The following GET4 variants were observed in gnomAD, a reference collection of about 807,000 sequenced individuals.
GET4 encodes the protein Golgi to ER traffic protein 4 homolog.
Under a neutral mutation model 40.0 loss-of-function variants are expected in GET4, and 20 were observed. That is an observed-to-expected ratio of 0.50 (90% confidence interval 0.35 to 0.73). The LOEUF (loss-of-function observed/expected upper bound fraction) is 0.73. Among genes scored for constraint, GET4 ranks in the 30% least tolerant of loss-of-function variants. GET4 has a pLI of 0.01. For missense variants in GET4, 557 were observed against 454.0 expected (o/e 1.23, Z -2.06); for synonymous variants, 280 against 194.6 (o/e 1.44, Z -3.65).
intron 5 of GET4, among the ~76,000 whole-genome samples, chr7:891,706 G>C (rs1412920856): frequency 6.6e-6 from 1 of 152,278 alleles, no homozygotes; most frequent in Non-Finnish European, 1.5e-5. Context: ...AGGATTTGGG[G>C]ACAGACATCC....
chr7:891,345 C>T (rs1470053303), intron 5 of GET4, among the ~76,000 whole-genome samples: 1 of 152,226 alleles, frequency 6.6e-6, no homozygotes, highest in South Asian at 2.1e-4. Context: ...CCTGTGGTCT[C>T]TGCTGTACTC....
At chr7:892,036 G>A (rs1392868787) in intron 5 of GET4, among the ~76,000 whole-genome samples, 2 of 152,240 alleles carry the variant, frequency 1.3e-5, no homozygotes, top group Admixed American at 6.5e-5. Flanking sequence ...TCAGGCTGGG[G>A]CCCGGCTCCA....
chr7:895,159 C>T (rs1844449077), intron 8 of GET4, among the ~76,000 whole-genome samples, 175 bp from the exon 9 acceptor site: 2 of 150,482 alleles, frequency 1.3e-5, no homozygotes, highest in South Asian at 2.1e-4. Context: ...CGTCGGCTCC[C>T]TGGCCTCCAG....
intron 4 of GET4, among the ~76,000 whole-genome samples, chr7:889,080 G>C (rs898409985): frequency 6.6e-6 from 1 of 152,258 alleles, no homozygotes; most frequent in Non-Finnish European, 1.5e-5. Flanking sequence ...ATCATAAGGA[G>C]GGATGTACGT....
chr7:890,393 GGAGTGT>G lies in GET4; in HGVS notation c.467-531_467-526del, dbSNP rs201787929. ...GTCAGGACGGGGTCTGGGAGTGGAG[GGAGTGT>G]GAGCGGGTGTTAGGACGGGCCTGGG... On this transcript the variant is annotated intron_variant, in intron 4 of 8. Transcript: ENST00000265857. 1.2e-4 allele frequency among the ~76,000 whole-genome samples: 10 copies of G among 81,978 alleles called. 2 individuals are homozygous for G. Among genetic ancestry groups the G allele is most frequent in the African/African-American group, 3.7e-4 (8 of 21,346 alleles). 53.8% of individuals were successfully genotyped at this position (81,978 alleles called of 152,430 possible).
Position 896,188 on chromosome 7 carries a change from A to G in GET4, c.*766A>G, listed in dbSNP as rs998358759. On this transcript the variant is annotated 3_prime_UTR_variant, in exon 9 of 9. Coordinates refer to ENST00000265857, the MANE Select transcript of GET4 (RefSeq NM_015949.3). ...GGTGATGATTGATTCTTTCGACCTA[A>G]CATTTTGGGTTTTAACCAAATAACC... 6.6e-6 allele frequency: 1 copy of G among 152,182 alleles called. No individual in the cohort carries two copies. Among genetic ancestry groups the G allele is most frequent in the Non-Finnish European group, 1.5e-5 (1 of 68,034 alleles). The allele number at this position is 152,182 out of a possible 1,614,324, so 9.4% of individuals were successfully genotyped here. A position where few individuals can be genotyped will look rare whatever the true frequency, so the allele number is the denominator to read the frequency against.
intron 6 of GET4, among the ~76,000 whole-genome samples, chr7:892,882 G>A (rs116926858): frequency 6.6e-6 from 1 of 151,628 alleles, no homozygotes; most frequent in African/African-American, 2.4e-5. Flanking sequence ...TGTGTGTTGT[G>A]TGTAGACGTG....
chr7:891,261 G>C (rs1203757752), intron 5 of GET4, among the ~76,000 whole-genome samples, 195 bp downstream of exon 5: 1 of 152,222 alleles, frequency 6.6e-6, no homozygotes, highest in African/African-American at 2.4e-5. Flanking sequence ...AAGTATTTTA[G>C]AAACTCCCCC....
chr7:889,803 G>A (rs1314251401), intron 4 of GET4, among the ~76,000 whole-genome samples: 3 of 47,524 alleles, frequency 6.3e-5, no homozygotes, highest in African/African-American at 2.9e-4. Context: ...GAGGGAGCGA[G>A]AGCGGGTGTT....
chr7:883,782 G>A (rs866659022), intron 1 of GET4: 28 of 987,630 alleles, frequency 2.8e-5, no homozygotes, highest in Middle Eastern at 5.1e-4. Flanking sequence ...AAAATCCTTC[G>A]CAGCTTCCAG....
At chr7:893,405 C>T (rs1214694021) in intron 6 of GET4, among the ~76,000 whole-genome samples, 41 of 52,574 alleles carry the variant, frequency 7.8e-4, no homozygotes, top group East Asian at 1.1e-3. Context: ...GGCGTGGGCG[C>T]GGTGGTGTGT....
Position 893,951 on chromosome 7 carries a change from C to G in GET4, c.875C>G (p.Ser292Cys). Residue 292 changes from serine (S) to cysteine (C), a missense_variant, in exon 8 of 9, where the codon TCT (serine) becomes TGT (cysteine). Physicochemically the swap from Ser to Cys is moderately radical, Grantham distance 112. Coordinates refer to ENST00000265857, the MANE Select transcript of GET4 (RefSeq NM_015949.3). ...TTCGGCGTCCCGCCCAAGCAGACGT[C>G]TTCCTACGGGGGCCTGCTCGGTAAG... ...LFFGVPPKQT[S>C]SYGGLLGNLL... 6.2e-7 allele frequency: 1 copy of G among 1,604,790 alleles called. No homozygotes were observed. The highest frequency in any genetic ancestry group is 8.5e-7 in the Non-Finnish European group (1 of 1,174,600).
intron 1 of GET4, chr7:884,295 C>T (rs1411519339): frequency 1.5e-6 from 2 of 1,304,120 alleles, no homozygotes; most frequent in African/African-American, 1.5e-5. Flanking sequence ...CCAGACGGCT[C>T]CCGGCCTCCT....
Position 892,438 on chromosome 7 carries a change from A to G in GET4, c.746+20A>G. 1.9e-6 allele frequency: 3 copies of G among 1,581,160 alleles called. No homozygotes were observed. Among genetic ancestry groups the G allele is most frequent in the Non-Finnish European group, 2.6e-6 (3 of 1,154,948 alleles). On this transcript the variant is annotated intron_variant, in intron 6 of 8. Transcript: ENST00000265857. ...GGACGGGTGCGTCTTGGGATCCTGC[A>G]GGGGGAGGGGGCTGTGAATGTGCGG...
At chr7:886,408 A>T in intron 2 of GET4, 161 bp from the exon 3 acceptor site, 3 of 641,160 alleles carry the variant, frequency 4.7e-6, no homozygotes, top group South Asian at 3.7e-5. Flanking sequence ...CTCGGCCAGG[A>T]GCTCTCTTTT....
intron 1 of GET4, chr7:881,645 G>A (rs1844089408): frequency 6.6e-6 from 1 of 152,146 alleles, no homozygotes; most frequent in Non-Finnish European, 1.5e-5. Context: ...TTAGCCTCGG[G>A]CAGGTGTGCA....
At chr7:891,243 A>T (rs977414214) in intron 5 of GET4, among the ~76,000 whole-genome samples, 177 bp downstream of exon 5, 4 of 152,194 alleles carry the variant, frequency 2.6e-5, no homozygotes, top group African/African-American at 9.7e-5. Flanking sequence ...AGTTTAACCA[A>T]TGTTAAGAAG....
Position 892,421 on chromosome 7 carries a change from G to A in GET4, c.746+3G>A, listed in dbSNP as rs1332047350. ...TTCCTGCTGCTGGCTGTGGACGGGTGCGTCTTGGGATCCTGCAGGGGGAGG... is the reference window on the plus strand; with the variant it reads ...TTCCTGCTGCTGGCTGTGGACGGGTACGTCTTGGGATCCTGCAGGGGGAGG... On this transcript the variant is annotated splice_donor_region_variant and intron_variant, in intron 6 of 8. Transcript: ENST00000265857. 1.3e-6 allele frequency: 2 copies of A among 1,585,954 alleles called. No individual in the cohort carries two copies. Among genetic ancestry groups the A allele is most frequent in the East Asian group, 2.3e-5 (1 of 43,972 alleles).
intron 8 of GET4, 52 bp from the exon 9 acceptor site, chr7:895,282 G>T: frequency 1.2e-6 from 1 of 861,936 alleles, no homozygotes; most frequent in Non-Finnish European, 1.9e-6. Context: ...AGGGGCTTGG[G>T]GGCCTGTGGG....
Sources: gnomAD v4.1 joint callset for allele counts (sites outside exome capture counted in the v4.1 genomes callset) on GRCh38, gnomAD v4.1.1 for gene constraint, MANE v1.5 for transcripts, NCBI Gene and HGNC (gene_info 2026-07-23, HGNC 2026-07-21) for gene names.